The following IL20RB variants were observed in gnomAD, a reference collection of about 807,000 sequenced individuals.
IL20RB encodes interleukin 20 receptor subunit beta.
IL20RB carries 21 observed loss-of-function variants against 33.3 expected under a neutral mutation model. The ratio of observed to expected loss-of-function variants is 0.63; its 90% CI spans 0.45 to 0.91. The LOEUF is 0.91. Among genes scored for constraint, IL20RB ranks in the 40% least tolerant of loss-of-function variants. IL20RB has a pLI of 0.00. For synonymous variants in IL20RB, 147 were observed against 146.8 expected (o/e 1.00, Z -0.01); for missense variants, 345 against 384.8 (o/e 0.90, Z 0.86).
At chr3:136,989,348 G>C in intron 3 of IL20RB, 93 bp from the exon 4 acceptor site, 1 of 1,456,478 alleles carries the variant, frequency 6.9e-7, no homozygotes, top group Non-Finnish European at 9.6e-7. Flanking sequence ...CTACGGAGAC[G>C]GACATATTTC....
rs537504096 is a variant in IL20RB at position 136,966,786 on chromosome 3, G to T, written c.88+8585G>T. Among the ~76,000 whole-genome samples, 5 of 44,004 alleles carry T rather than the reference G, an allele frequency of 1.1e-4. 1 individual carries two copies. The highest frequency in any genetic ancestry group is 9.7e-4 in the Admixed American group (3 of 3,082). The allele number at this position is 44,004 out of a possible 152,430, so 28.9% of individuals were successfully genotyped here. ...CTTTTCTAGTTCTTTTAATTGTGAT[G>T]TTAGGGTGTCAATTTTGGATCTTTC... is the stretch of plus-strand genomic sequence containing the variant. On this transcript the variant is annotated intron_variant, in intron 1 of 6. Transcript: ENST00000329582.
At chr3:137,009,393 C>T (rs936599228) in intron 6 of IL20RB, among the ~76,000 whole-genome samples, 13 of 152,036 alleles carry the variant, frequency 8.6e-5, no homozygotes, top group Non-Finnish European at 1.3e-4. Context: ...AAGAAGATGG[C>T]GGGAACCTGA....
chr3:136,960,132 T>C (rs1245180998), intron 1 of IL20RB, among the ~76,000 whole-genome samples: 1 of 142,636 alleles, frequency 7.0e-6, no homozygotes, highest in Non-Finnish European at 1.5e-5. Flanking sequence ...ATGGGTAGAG[T>C]TGTGGCTTTT....
chr3:136,974,846 C>A (rs1941576906), intron 1 of IL20RB, among the ~76,000 whole-genome samples: 1 of 152,122 alleles, frequency 6.6e-6, no homozygotes. Context: ...TTCAAAAGAC[C>A]TGTCTTCAAG....
intron 6 of IL20RB, among the ~76,000 whole-genome samples, chr3:137,008,653 T>C (rs1933001226): frequency 6.6e-6 from 1 of 152,190 alleles, no homozygotes. Flanking sequence ...ACTAGTCATA[T>C]CTGTTAGACA....
chr3:136,982,255 C>T lies in IL20RB; in HGVS notation c.311C>T (p.Thr104Met), dbSNP rs367923973. ...GAGTGTGATGTCACTGATGACATCA[C>T]GGCCACTGTGCCATACAACCTTCGT... Reference protein sequence around the residue: ...GPECDVTDDITATVPYNLRVR... With the variant: ...GPECDVTDDIMATVPYNLRVR... The change falls in exon 3 of 7, where the codon ACG (threonine) becomes ATG (methionine). Residue 104 changes from threonine to methionine, a missense_variant. By Grantham distance (81) the Thr-to-Met change is moderately conservative. Coordinates refer to ENST00000329582, the MANE Select transcript of IL20RB (RefSeq NM_144717.4). 2.8e-5 allele frequency: 45 copies of T among 1,612,062 alleles called. No individual in the cohort carries two copies. The highest frequency in any genetic ancestry group is 4.0e-5 in the African/African-American group (3 of 75,008).
At chr3:136,971,027 T>G (rs1306498221) in intron 1 of IL20RB, among the ~76,000 whole-genome samples, 1 of 152,342 alleles carries the variant, frequency 6.6e-6, no homozygotes. Flanking sequence ...AGTGATAAAT[T>G]CAGGGTACTT....
At chr3:136,985,019 T>C (rs1192547957) in intron 3 of IL20RB, among the ~76,000 whole-genome samples, 1 of 152,118 alleles carries the variant, frequency 6.6e-6, no homozygotes, top group Admixed American at 6.5e-5. Flanking sequence ...ATGGGTCACA[T>C]AAAGATAAGG....
At position 136,958,145 on chromosome 3, in the gene IL20RB, TC is replaced by T; in HGVS notation, c.33del (p.Trp12GlyfsTer12). 2 of 1,611,792 alleles carry T rather than the reference TC, an allele frequency of 1.2e-6. No homozygotes were observed. The highest frequency in any genetic ancestry group is 1.7e-5 in the Admixed American group (1 of 60,014). On this transcript the variant is annotated frameshift_variant, in exon 1 of 7. Coordinates refer to ENST00000329582, the MANE Select transcript of IL20RB (RefSeq NM_144717.4). LOFTEE classifies it high-confidence loss of function. Reference sequence around the variant, plus strand: ...ACTTTCACAATGGTTCTAGAAGAAATCTGGACAAGTCTTTTCATGTGGTTTT... The same window carrying T: ...ACTTTCACAATGGTTCTAGAAGAAATTGGACAAGTCTTTTCATGTGGTTTT... MQTFTMVLEE[I>X]WTSLFMWFFY...
chr3:137,007,579 A>G (rs1279563975), intron 6 of IL20RB, among the ~76,000 whole-genome samples: 2 of 152,232 alleles, frequency 1.3e-5, no homozygotes, highest in Non-Finnish European at 2.9e-5. Flanking sequence ...CTCCATGGGC[A>G]TGAGACCTGC....
chr3:136,995,491 G>T lies in IL20RB; in HGVS notation c.760G>T (p.Val254Phe). 1 of 1,614,100 alleles carries T rather than the reference G, an allele frequency of 6.2e-7. No homozygotes were observed. The highest frequency in any genetic ancestry group is 8.5e-7 in the Non-Finnish European group (1 of 1,180,022). The change falls in exon 6 of 7, where the codon GTC becomes TTC. Residue 254 changes from valine to phenylalanine, a missense_variant. Val to Phe is a conservative substitution (Grantham distance 50). Transcript: ENST00000329582. ...MLILVVVPLF[V>F]WKMGRLLQYS... ...GATCCTTGTGGTCGTGCCACTGTTCGTCTGGAAAATGGGCCGGCTGCTCCA... is the reference window on the plus strand; with the variant it reads ...GATCCTTGTGGTCGTGCCACTGTTCTTCTGGAAAATGGGCCGGCTGCTCCA...
At chr3:136,995,153 ACT>A (rs753158554) in intron 5 of IL20RB, among the ~76,000 whole-genome samples, 4 of 151,754 alleles carry the variant, frequency 2.6e-5, no homozygotes, top group Non-Finnish European at 5.9e-5. Flanking sequence ...AACACATGAT[ACT>A]CCTCCCTTTT....
intron 5 of IL20RB, among the ~76,000 whole-genome samples, chr3:136,994,924 A>G (rs1942097330): frequency 6.6e-6 from 1 of 152,232 alleles, no homozygotes; most frequent in Admixed American, 6.5e-5. Context: ...GGGGCTTGAT[A>G]TATTGTAGTT....
chr3:136,985,169 G>T (rs576499105), intron 3 of IL20RB, among the ~76,000 whole-genome samples: 1 of 152,142 alleles, frequency 6.6e-6, no homozygotes, highest in African/African-American at 2.4e-5. Flanking sequence ...TGGAAGATAC[G>T]GTTCTATGAT....
At chr3:136,958,998 T>G (rs1941123226) in intron 1 of IL20RB, 1 of 152,096 alleles carries the variant, frequency 6.6e-6, no homozygotes, top group Non-Finnish European at 1.5e-5. Context: ...ATTATTCTAG[T>G]TAGTTTACAT....
chr3:136,988,047 TGGGCTGAA>T (rs1360914885), intron 3 of IL20RB, among the ~76,000 whole-genome samples: 1 of 152,104 alleles, frequency 6.6e-6, no homozygotes, highest in Non-Finnish European at 1.5e-5. Flanking sequence ...AGTGCAGCGG[TGGGCTGAA>T]GGGCTCCTCA....
At chr3:136,960,105 A>G (rs750162844) in intron 1 of IL20RB, among the ~76,000 whole-genome samples, 14 of 135,122 alleles carry the variant, frequency 1.0e-4, no homozygotes, top group Non-Finnish European at 1.6e-4. Flanking sequence ...TCTATTAGTT[A>G]CTAGATCACT....
Position 137,010,406 on chromosome 3 carries a change from C to A in IL20RB, c.*183C>A. Reference sequence around the variant, plus strand: ...GGTGGTTTGTCTAACAGAACACTGACTGAGGCTTAGGGGATGTGACCTCTA... The same window carrying A: ...GGTGGTTTGTCTAACAGAACACTGAATGAGGCTTAGGGGATGTGACCTCTA... On this transcript the variant is annotated 3_prime_UTR_variant, in exon 7 of 7. Transcript: ENST00000329582. 1 of 549,728 alleles carries A rather than the reference C, an allele frequency of 1.8e-6. No individual in the cohort carries two copies. Among genetic ancestry groups the A allele is most frequent in the East Asian group, 3.0e-5 (1 of 33,518 alleles). 34.1% of individuals were successfully genotyped at this position (549,728 alleles called of 1,614,324 possible). A position where few individuals can be genotyped will look rare whatever the true frequency, so the allele number is the denominator to read the frequency against.
chr3:136,992,833 C>T (rs185004610), intron 5 of IL20RB, among the ~76,000 whole-genome samples: 80 of 152,256 alleles, frequency 5.3e-4, no homozygotes, highest in Middle Eastern at 6.8e-3. Context: ...CTCCAAAGAG[C>T]TGAGATTACA....
Sources: allele counts gnomAD v4.1 joint callset (sites outside exome capture counted in the v4.1 genomes callset), GRCh38; gene constraint gnomAD v4.1.1; transcripts MANE v1.5; gene names NCBI Gene and HGNC (gene_info 2026-07-23, HGNC 2026-07-21).